The following TFDP2 variants were observed in gnomAD, a reference collection of about 807,000 sequenced individuals.
TFDP2 encodes the protein transcription factor Dp-2 (E2F dimerization partner 2).
TFDP2 carries 17 observed loss-of-function variants against 59.3 expected under a neutral mutation model. The ratio of observed to expected loss-of-function variants is 0.29; its 90% CI spans 0.20 to 0.43. TFDP2 has a LOEUF of 0.43. Among genes scored for constraint, TFDP2 ranks in the 20% least tolerant of loss-of-function variants. The pLI is 1.00. For synonymous variants in TFDP2, 180 were observed against 194.7 expected, an observed-to-expected ratio of 0.92 and a Z score of 0.63; for missense variants, 391 against 528.8, an observed-to-expected ratio of 0.74 and a Z score of 2.56.
chr3:141,994,967 A>C (rs949126692), intron 5 of TFDP2, 53 bp downstream of exon 5: 115 of 1,445,004 alleles, frequency 8.0e-5, no homozygotes, highest in Non-Finnish European at 1.0e-4. Context: ...GTAAGAAAAA[A>C]ATGTCTAAAC....
At chr3:141,976,448 G>C (rs1198262044) in intron 7 of TFDP2, among the ~76,000 whole-genome samples, 1 of 152,184 alleles carries the variant, frequency 6.6e-6, no homozygotes, top group Non-Finnish European at 1.5e-5. Context: ...TGGGAAGGTG[G>C]TGGTGATAGG....
intron 1 of TFDP2, among the ~76,000 whole-genome samples, chr3:142,140,732 G>C (rs1019115818): frequency 6.6e-5 from 10 of 152,162 alleles, no homozygotes; most frequent in African/African-American, 2.4e-4. Context: ...AGCAATTATT[G>C]CTGCCTGATC....
chr3:142,044,132 A>G, intron 3 of TFDP2: 2 of 592,012 alleles, frequency 3.4e-6, no homozygotes, highest in East Asian at 7.1e-5. Flanking sequence ...GGGTCCAACC[A>G]GACCTTCTTC....
chr3:142,118,003 C>T (rs1315471856), intron 1 of TFDP2, among the ~76,000 whole-genome samples: 2 of 152,036 alleles, frequency 1.3e-5, no homozygotes, highest in Admixed American at 6.6e-5. Flanking sequence ...GAGGCTGAGG[C>T]AAAAGAATCC....
At chr3:142,133,227 G>A (rs576568557) in intron 1 of TFDP2, among the ~76,000 whole-genome samples, 1 of 149,884 alleles carries the variant, frequency 6.7e-6, no homozygotes, top group Non-Finnish European at 1.5e-5. Context: ...TATTTTTTGA[G>A]GATGTTTTGG....
chr3:142,035,989 G>T (rs966939840), intron 3 of TFDP2, among the ~76,000 whole-genome samples: 5 of 152,096 alleles, frequency 3.3e-5, no homozygotes, highest in Non-Finnish European at 5.9e-5. Flanking sequence ...CCACATACTT[G>T]GTGACTATCA....
intron 4 of TFDP2, among the ~76,000 whole-genome samples, chr3:141,999,314 C>T (rs1171431872): frequency 6.6e-6 from 1 of 152,148 alleles, no homozygotes; most frequent in Non-Finnish European, 1.5e-5. Flanking sequence ...TACATATTAA[C>T]ATATGAAATA....
chr3:142,092,865 G>C (rs1364501232), intron 3 of TFDP2, among the ~76,000 whole-genome samples, 196 bp downstream of exon 3: 1 of 152,164 alleles, frequency 6.6e-6, no homozygotes, highest in Non-Finnish European at 1.5e-5. Flanking sequence ...TCTTAGGAAA[G>C]AGAAAAATCA....
intron 3 of TFDP2, among the ~76,000 whole-genome samples, chr3:142,030,908 A>T (rs548284303): frequency 6.6e-6 from 1 of 150,990 alleles, no homozygotes; most frequent in East Asian, 2.0e-4. Flanking sequence ...ACGCCCGGCT[A>T]ATTTTTTGTA....
intron 9 of TFDP2, among the ~76,000 whole-genome samples, chr3:141,965,843 C>T (rs779144577): frequency 2.0e-4 from 31 of 151,836 alleles, no homozygotes; most frequent in East Asian, 7.7e-4. Context: ...TGCTAAAAAA[C>T]GAATTCATTG....
chr3:142,061,953 A>G (rs886708742), intron 3 of TFDP2, among the ~76,000 whole-genome samples: 10 of 149,602 alleles, frequency 6.7e-5, no homozygotes, highest in Admixed American at 6.0e-4. Flanking sequence ...CAGAGCTGAT[A>G]TTTGAATAAC....
Position 141,974,091 on chromosome 3 carries a change from A to T in TFDP2, c.620T>A (p.Ile207Asn). The change falls in exon 8 of 13, where the codon ATT becomes AAT. Residue 207 changes from isoleucine to asparagine, a missense_variant. Around this residue, in one of 3 missense-constraint regions of TFDP2, gnomAD observed 223 missense variants for 292.5 expected, o/e 0.76. Coordinates refer to ENST00000489671, the MANE Select transcript of TFDP2 (RefSeq NM_001178139.2). Reference protein sequence around the residue: ...ISKEKKEIKWIGLPTNSAQEC... With the variant: ...ISKEKKEIKWNGLPTNSAQEC... ...CTGAGCAGAATTGGTAGGCAGGCCA[A>T]TCCACTTGATTTCTTTTTTTTCCTT... is the stretch of plus-strand genomic sequence containing the variant. 6.2e-7 allele frequency: 1 copy of T among 1,613,108 alleles called. No individual in the cohort carries two copies. Among genetic ancestry groups the T allele is most frequent in the Non-Finnish European group, 8.5e-7 (1 of 1,179,606 alleles).
intron 8 of TFDP2, 35 bp downstream of exon 8, chr3:141,974,013 C>A: frequency 6.3e-7 from 1 of 1,585,322 alleles, no homozygotes; most frequent in South Asian, 1.2e-5. Flanking sequence ...TAAAATAATG[C>A]AAACAGCTAT....
intron 3 of TFDP2, among the ~76,000 whole-genome samples, chr3:142,064,348 C>A (rs527766241): frequency 6.6e-6 from 1 of 152,294 alleles, no homozygotes; most frequent in East Asian, 1.9e-4. Context: ...TATCAGAACT[C>A]TGGAGGTGAT....
chr3:142,125,508 A>G (rs1167379445), intron 1 of TFDP2, among the ~76,000 whole-genome samples: 1 of 152,160 alleles, frequency 6.6e-6, no homozygotes, highest in Non-Finnish European at 1.5e-5. Flanking sequence ...ACACGCACAC[A>G]CACACATATA....
intron 1 of TFDP2, among the ~76,000 whole-genome samples, chr3:142,134,854 G>GA (rs1214769111): frequency 1.3e-5 from 2 of 151,704 alleles, no homozygotes; most frequent in East Asian, 1.9e-4. Context: ...TAAGCAAAAA[G>GA]AAAAAAAATC....
At chr3:141,963,436 C>T (rs919721652) in intron 10 of TFDP2, among the ~76,000 whole-genome samples, 3 of 152,118 alleles carry the variant, frequency 2.0e-5, no homozygotes, top group Non-Finnish European at 2.9e-5. Context: ...AAAATATTTC[C>T]GTAATAAACT....
At chr3:141,973,099 A>G (rs1412810045) in intron 8 of TFDP2, among the ~76,000 whole-genome samples, 33 of 94,562 alleles carry the variant, frequency 3.5e-4, no homozygotes, top group African/African-American at 1.3e-3. Context: ...ATGTGTATAT[A>G]TATATATATA....
At chr3:141,971,474 G>A (rs1007921515) in intron 8 of TFDP2, among the ~76,000 whole-genome samples, 9 of 151,890 alleles carry the variant, frequency 5.9e-5, no homozygotes, top group Admixed American at 3.9e-4. Flanking sequence ...GCTCGAACCC[G>A]GGAGGCGGAG....
Sources: gnomAD v4.1 joint callset for allele counts (sites outside exome capture counted in the v4.1 genomes callset) on GRCh38, gnomAD v4.1.1 for gene constraint, gnomAD v4.1.1 regional missense constraint, MANE v1.5 for transcripts, NCBI Gene and HGNC (gene_info 2026-07-23, HGNC 2026-07-21) for gene names.